Variants in SMC1A observed in about 807,000 individuals in gnomAD.
SMC1A encodes structural maintenance of chromosomes 1A, also known as structural maintenance of chromosomes protein 1A.
In SMC1A, 4 loss-of-function variants were observed where a neutral mutation model predicts 94.5. The ratio of observed to expected loss-of-function variants is 0.04; its 90% CI spans 0.02 to 0.10. The LOEUF (loss-of-function observed/expected upper bound fraction) is 0.10, where lower values mean the gene tolerates loss of function less well. SMC1A is among the 10% of genes least tolerant of loss of function. The pLI is 1.00. For missense variants in SMC1A, 304 were observed against 989.0 expected (o/e 0.31, Z 9.29); for synonymous variants, 345 against 347.7 (o/e 0.99, Z 0.09).
At chrX:53,391,867 T>C (rs1204603187) in intron 19 of SMC1A, among the ~76,000 whole-genome samples, 1 of 110,434 alleles carries the variant, frequency 9.1e-6, no homozygotes, top group African/African-American at 3.3e-5. Flanking sequence ...GCTGTAGGGA[T>C]TGTCCTGAGC....
At chrX:53,380,259 C>A in intron 24 of SMC1A, 73 bp from the exon 25 acceptor site, 1 of 780,466 alleles carries the variant, frequency 1.3e-6, no homozygotes, top group Non-Finnish European at 1.9e-6. Flanking sequence ...GCCCCAGGAC[C>A]AGGGGCCTCA....
chrX:53,401,735 T>G (rs1556888925), intron 15 of SMC1A, among the ~76,000 whole-genome samples: 1 of 110,430 alleles, frequency 9.1e-6, no homozygotes, highest in Admixed American at 9.8e-5. Flanking sequence ...ATATACATTA[T>G]ATATATACAC....
At chrX:53,401,416 G>A (rs2075670054) in intron 15 of SMC1A, among the ~76,000 whole-genome samples, 1 of 112,049 alleles carries the variant, frequency 8.9e-6, no homozygotes, top group South Asian at 3.7e-4. Flanking sequence ...CTTGTAAAAT[G>A]TCTTAGTTCT....
chrX:53,411,660 G>A (rs1239476422), intron 7 of SMC1A, 101 bp downstream of exon 7: 24 of 1,008,032 alleles, frequency 2.4e-5, no homozygotes, highest in Admixed American at 1.1e-4. Context: ...GCTTAGGACC[G>A]GAAACGTTTC....
intron 1 of SMC1A, among the ~76,000 whole-genome samples, chrX:53,419,308 C>T (rs2075745113): frequency 1.8e-5 from 2 of 110,243 alleles, no homozygotes; most frequent in African/African-American, 3.3e-5. Flanking sequence ...GGGTGGATCA[C>T]TTGACCTCGG....
chrX:53,410,024 A>G (rs1260686446), intron 7 of SMC1A, among the ~76,000 whole-genome samples: 1 of 112,024 alleles, frequency 8.9e-6, no homozygotes, highest in Admixed American at 9.5e-5. Context: ...ATTCTTTTAA[A>G]TATTTAAAAG....
chrX:53,403,956 C>A (rs1293859592), intron 13 of SMC1A, 63 bp from the exon 14 acceptor site: 11 of 779,543 alleles, frequency 1.4e-5, no homozygotes, highest in Non-Finnish European at 2.2e-5. Context: ...GCTACCTTGA[C>A]TGCATTGGCC....
chrX:53,382,681 A>T, intron 20 of SMC1A, 21 bp from the exon 21 acceptor site: 1 of 1,210,399 alleles, frequency 8.3e-7, no homozygotes, highest in Non-Finnish European at 1.1e-6. Context: ...GAAAGACAGG[A>T]GACCCCTCAG....
At position 53,394,837 on chromosome X, in the gene SMC1A, T is replaced by C; in HGVS notation, c.2914A>G (p.Ile972Val). The C allele has an allele frequency of 1.7e-6, 2 of 1,188,266 alleles. No individual in the cohort carries two copies. Among genetic ancestry groups the C allele is most frequent in the Non-Finnish European group, 2.3e-6 (2 of 882,374 alleles). ...SVSGSQRISS[I>V]YAREALIEID... Reference sequence around the variant, plus strand: ...TCAATGAGGGCCTCTCGTGCATAGATACTGGAAATTCTCTGTGAACCACTC... The same window carrying C: ...TCAATGAGGGCCTCTCGTGCATAGACACTGGAAATTCTCTGTGAACCACTC... Residue 972 changes from isoleucine to valine, a missense_variant, in exon 19 of 25, where the codon ATC (isoleucine) becomes GTC (valine). Ile to Val is a conservative substitution (Grantham distance 29, BLOSUM62 3). Around this residue, in one of 11 missense-constraint regions of SMC1A, gnomAD observed 22 missense variants for 17.5 expected, o/e 1.26. Transcript: ENST00000322213.
At chrX:53,420,262 G>A (rs146228881) in intron 1 of SMC1A, among the ~76,000 whole-genome samples, 212 of 111,848 alleles carry the variant, frequency 1.9e-3, no homozygotes, top group African/African-American at 6.6e-3. Context: ...AGTGGCTCAT[G>A]CCTGTAATCC....
intron 19 of SMC1A, among the ~76,000 whole-genome samples, chrX:53,391,977 C>G (rs941126571): frequency 9.1e-6 from 1 of 110,339 alleles, no homozygotes; most frequent in African/African-American, 3.3e-5. Context: ...AAGAGTATCT[C>G]CAGCCATTGT....
At chrX:53,412,763 C>T (rs2075717691) in intron 5 of SMC1A, 137 bp downstream of exon 5, 3 of 985,026 alleles carry the variant, frequency 3.0e-6, no homozygotes, top group South Asian at 2.0e-5. Flanking sequence ...AAGAAATGTG[C>T]CTGGTTCTTA....
intron 9 of SMC1A, among the ~76,000 whole-genome samples, chrX:53,407,216 G>A (rs1433445468): frequency 1.8e-5 from 2 of 112,037 alleles, no homozygotes; most frequent in Non-Finnish European, 3.8e-5. Context: ...ATAGGGGCTG[G>A]TTACCAGAAA....
chrX:53,394,361 T>C (rs1183566026), intron 19 of SMC1A, among the ~76,000 whole-genome samples: 1 of 109,023 alleles, frequency 9.2e-6, no homozygotes, highest in Non-Finnish European at 1.9e-5. Flanking sequence ...AGCATAGAGA[T>C]TGCAGCGGAA....
chrX:53,399,156 T>G (rs782750807), intron 16 of SMC1A, among the ~76,000 whole-genome samples: 1 of 111,123 alleles, frequency 9.0e-6, no homozygotes, highest in Non-Finnish European at 1.9e-5. Context: ...GAGAATGGCA[T>G]GAACCCGGGA....
At chrX:53,414,579 T>C (rs1556891013) in intron 3 of SMC1A, among the ~76,000 whole-genome samples, 179 bp downstream of exon 3, 1 of 111,786 alleles carries the variant, frequency 8.9e-6, no homozygotes, top group Non-Finnish European at 1.9e-5. Flanking sequence ...ACAAAACAAA[T>C]GTGTGTCCTC....
At position 53,379,603 on chromosome X, in the gene SMC1A, C is replaced by T. The variant is rs1427556500; in HGVS notation, c.*500G>A. 2 of 122,672 alleles carry T rather than the reference C, an allele frequency of 1.6e-5. No homozygotes were observed. Among genetic ancestry groups the T allele is most frequent in the Admixed American group, 1.7e-4 (2 of 12,080 alleles). The allele number at this position is 122,672 out of a possible 1,213,427, so 10.1% of individuals were successfully genotyped here. A position where few individuals can be genotyped will look rare whatever the true frequency, so the allele number is the denominator to read the frequency against. ...AATGAAGGCAGTTTCAGGTAACTGC[C>T]TAAGACTCCTATGAGGTCCTGAGTA... On this transcript the variant is annotated 3_prime_UTR_variant, in exon 25 of 25. Transcript: ENST00000322213.
chrX:53,407,018 T>C (rs193237435), intron 9 of SMC1A, among the ~76,000 whole-genome samples: 2 of 112,313 alleles, frequency 1.8e-5, no homozygotes, highest in Admixed American at 1.9e-4. Context: ...TATTACATGA[T>C]TGTTCTGATG....
chrX:53,422,664 C>G (rs782501119), upstream of SMC1A: 90 of 758,069 alleles, frequency 1.2e-4, no homozygotes, highest in Non-Finnish European at 1.7e-4. Flanking sequence ...TGAGGTAGCC[C>G]GCGCGGGAAA....
Sources: gnomAD v4.1 joint callset for allele counts (sites outside exome capture counted in the v4.1 genomes callset) on GRCh38, gnomAD v4.1.1 for gene constraint, gnomAD v4.1.1 regional missense constraint, MANE v1.5 for transcripts, NCBI Gene and HGNC (gene_info 2026-07-23, HGNC 2026-07-21) for gene names.